The following CYP7B1 variants were observed in gnomAD, a reference collection of about 807,000 sequenced individuals.
CYP7B1 encodes the protein cytochrome P450 7B1.
Under a neutral mutation model 42.7 loss-of-function variants are expected in CYP7B1, and 29 were observed. The observed-to-expected ratio is 0.68, with a 90% CI of 0.51 to 0.93. The LOEUF is 0.93. CYP7B1 is among the 40% of genes least tolerant of loss of function. The pLI is 0.00. For missense variants in CYP7B1, 655 were observed against 600.5 expected, an observed-to-expected ratio of 1.09 and a Z score of -0.95; for synonymous variants, 235 against 218.2, an observed-to-expected ratio of 1.08 and a Z score of -0.68.
At chr8:64,646,784 T>C (rs771811126) in intron 1 of CYP7B1, among the ~76,000 whole-genome samples, 6 of 152,226 alleles carry the variant, frequency 3.9e-5, no homozygotes, top group Non-Finnish European at 5.9e-5. Context: ...CTTGACTAGC[T>C]TAGGGAATAT....
chr8:64,634,704 G>A (rs1480812895), intron 1 of CYP7B1, among the ~76,000 whole-genome samples: 4 of 151,916 alleles, frequency 2.6e-5, no homozygotes, highest in East Asian at 1.9e-4. Flanking sequence ...ATGAATCAAA[G>A]GTTGATTTTT....
intron 1 of CYP7B1, among the ~76,000 whole-genome samples, chr8:64,726,339 A>G (rs1807324357): frequency 6.6e-6 from 1 of 152,242 alleles, no homozygotes; most frequent in Non-Finnish European, 1.5e-5. Context: ...GGGGGATAAG[A>G]AAGTCTGCCT....
chr8:64,607,595 G>A (rs1481993548), intron 4 of CYP7B1, among the ~76,000 whole-genome samples: 3 of 152,128 alleles, frequency 2.0e-5, no homozygotes. Context: ...CTTGTGATAG[G>A]CGGGCAAATT....
At chr8:64,693,970 C>G (rs1806786733) in intron 1 of CYP7B1, among the ~76,000 whole-genome samples, 1 of 152,182 alleles carries the variant, frequency 6.6e-6, no homozygotes, top group Non-Finnish European at 1.5e-5. Context: ...TCTCTTGATT[C>G]CCAGACCAGT....
chr8:64,680,222 T>G (rs1282694051), intron 1 of CYP7B1, among the ~76,000 whole-genome samples: 1 of 152,166 alleles, frequency 6.6e-6, no homozygotes, highest in Non-Finnish European at 1.5e-5. Flanking sequence ...TAAACTTCTT[T>G]CATCGCACCT....
Position 64,682,382 on chromosome 8 carries a change from A to T in CYP7B1, c.123-57843T>A, listed in dbSNP as rs142692944. Among the ~76,000 whole-genome samples, 876 of 152,350 alleles carry T rather than the reference A, an allele frequency of 5.7e-3. 6 individuals carry two copies. The highest frequency in any genetic ancestry group is 9.9e-3 in the Non-Finnish European group (673 of 68,034). Reference sequence around the variant, plus strand: ...AAGTGTGCATTTTTTAAAGTAGGAAAGTGCCTAACCAAAAGGCGCTAACCT... The same window carrying T: ...AAGTGTGCATTTTTTAAAGTAGGAATGTGCCTAACCAAAAGGCGCTAACCT... On this transcript the variant is annotated intron_variant, in intron 1 of 5. Coordinates refer to ENST00000310193, the MANE Select transcript of CYP7B1 (RefSeq NM_004820.5).
chr8:64,669,886 C>A (rs1806339960), intron 1 of CYP7B1, among the ~76,000 whole-genome samples: 1 of 152,182 alleles, frequency 6.6e-6, no homozygotes, highest in Admixed American at 6.5e-5. Flanking sequence ...GAACAGGTAT[C>A]ATTTCATTCA....
intron 1 of CYP7B1, among the ~76,000 whole-genome samples, chr8:64,787,389 C>A (rs1205429671): frequency 6.6e-6 from 1 of 152,214 alleles, no homozygotes; most frequent in Non-Finnish European, 1.5e-5. Flanking sequence ...ATCTCTGGGG[C>A]CGGGGCAAAA....
intron 1 of CYP7B1, among the ~76,000 whole-genome samples, chr8:64,728,587 GA>G (rs779398627): frequency 1.5e-4 from 23 of 152,136 alleles, no homozygotes; most frequent in Admixed American, 6.6e-5. Flanking sequence ...TTGAGTAAAA[GA>G]AAAGCATTGC....
rs551136491 is a variant in CYP7B1 at position 64,665,785 on chromosome 8, C to T, written c.123-41246G>A. On this transcript the variant is annotated intron_variant, in intron 1 of 5. Transcript: ENST00000310193. ...GAGACAGGGTTTCTCCATGTTGGTC[C>T]GGCTGGTCTCGAACTCCCGACTTCA... Among the ~76,000 whole-genome samples the T allele has an allele frequency of 1.1e-4, 16 of 151,600 alleles. 1 individual carries two copies. The highest frequency in any genetic ancestry group is 8.3e-4 in the South Asian group (4 of 4,810).
chr8:64,651,773 A>G lies in CYP7B1; in HGVS notation c.123-27234T>C, dbSNP rs543965550. Among the ~76,000 whole-genome samples, 7 of 152,276 alleles carry G rather than the reference A, an allele frequency of 4.6e-5. No individual in the cohort carries two copies. In the South Asian group the frequency reaches 1.5e-3, roughly 32 times the overall value. Reference sequence around the variant, plus strand: ...AGGAAGCAGCCCTCACCAGACACCAAATCTGGTGCTGCCTTGATCTTGGAC... The same window carrying G: ...AGGAAGCAGCCCTCACCAGACACCAGATCTGGTGCTGCCTTGATCTTGGAC... On this transcript the variant is annotated intron_variant, in intron 1 of 5. Transcript: ENST00000310193.
At chr8:64,788,134 A>G (rs1370926363) in intron 1 of CYP7B1, among the ~76,000 whole-genome samples, 2 of 152,222 alleles carry the variant, frequency 1.3e-5, no homozygotes, top group Non-Finnish European at 2.9e-5. Flanking sequence ...CAAAACCCAC[A>G]GAATGTAAAA....
Position 64,643,591 on chromosome 8 carries a change from G to A in CYP7B1, c.123-19052C>T, listed in dbSNP as rs138493630. Among the ~76,000 whole-genome samples the A allele has an allele frequency of 3.2e-3, 488 of 152,160 alleles. 4 individuals are homozygous for A. Among genetic ancestry groups the A allele is most frequent in the African/African-American group, 9.2e-3 (381 of 41,506 alleles). On this transcript the variant is annotated intron_variant, in intron 1 of 5. Transcript: ENST00000310193. ...AAATAAGACAACAATGAAGTTTGTC[G>A]CATCAATTGACTCTTCCTTTCATGA...
intron 2 of CYP7B1, among the ~76,000 whole-genome samples, chr8:64,618,576 CTCTCTCTCTCTCTT>C (rs1031055979): frequency 2.0e-5 from 3 of 151,178 alleles, no homozygotes; most frequent in Non-Finnish European, 4.4e-5. Context: ...CATTTTCTCT[CTCTCTCTCTCTCTT>C]TCTCTCTCTC....
At chr8:64,648,931 A>C (rs1805994853) in intron 1 of CYP7B1, among the ~76,000 whole-genome samples, 2 of 152,248 alleles carry the variant, frequency 1.3e-5, no homozygotes, top group Non-Finnish European at 2.9e-5. Flanking sequence ...GCCTATAAGA[A>C]TTAGCATCAT....
At chr8:64,638,723 T>C (rs1157926220) in intron 1 of CYP7B1, among the ~76,000 whole-genome samples, 1 of 152,120 alleles carries the variant, frequency 6.6e-6, no homozygotes, top group Non-Finnish European at 1.5e-5. Context: ...CCAAAACTAC[T>C]CCAACACTCG....
intron 1 of CYP7B1, among the ~76,000 whole-genome samples, chr8:64,660,514 G>A (rs1806185686): frequency 6.6e-6 from 1 of 152,178 alleles, no homozygotes; most frequent in East Asian, 1.9e-4. Flanking sequence ...GTAGGCCTTT[G>A]TTGCAGGTCT....
chr8:64,681,184 C>A (rs905161389), intron 1 of CYP7B1, among the ~76,000 whole-genome samples: 1 of 152,146 alleles, frequency 6.6e-6, no homozygotes, highest in Non-Finnish European at 1.5e-5. Flanking sequence ...AGATCTTTCT[C>A]CCCCCTTTTG....
At chr8:64,736,764 T>C (rs1220617642) in intron 1 of CYP7B1, among the ~76,000 whole-genome samples, 1 of 152,136 alleles carries the variant, frequency 6.6e-6, no homozygotes, top group Non-Finnish European at 1.5e-5. Flanking sequence ...TTTTTTTTAA[T>C]TCCTGGGAGT....
Sources: allele counts gnomAD v4.1 joint callset (sites outside exome capture counted in the v4.1 genomes callset), GRCh38; gene constraint gnomAD v4.1.1; transcripts MANE v1.5; gene names NCBI Gene and HGNC (gene_info 2026-07-23, HGNC 2026-07-21).